The following DCLK1 variants were observed in gnomAD, a reference collection of about 807,000 sequenced individuals.
DCLK1 encodes serine/threonine-protein kinase DCLK1.
In DCLK1, 16 loss-of-function variants were observed where a neutral mutation model predicts 86.2. The ratio of observed to expected loss-of-function variants is 0.19; its 90% confidence interval spans 0.13 to 0.28. The LOEUF is 0.28. DCLK1 is among the 10% of genes least tolerant of loss of function. DCLK1 has a pLI of 1.00. For synonymous variants in DCLK1, 369 were observed against 370.5 expected (o/e 1.00, Z 0.05); for missense variants, 590 against 940.2 (o/e 0.63, Z 4.87).
chr13:36,067,027 AT>A (rs996073721), intron 3 of DCLK1, among the ~76,000 whole-genome samples: 4 of 143,640 alleles, frequency 2.8e-5, no homozygotes, highest in African/African-American at 1.0e-4. Context: ...ACAACTAGAA[AT>A]ACCATTTGAC....
chr13:35,858,012 GAAAAAC>G (rs1871169638), intron 5 of DCLK1, among the ~76,000 whole-genome samples: 1 of 152,254 alleles, frequency 6.6e-6, no homozygotes, highest in Middle Eastern at 3.4e-3. Context: ...GCAATGAGAA[GAAAAAC>G]AAAAACAAAA....
At chr13:35,869,333 A>G (rs1872096227) in intron 5 of DCLK1, among the ~76,000 whole-genome samples, 1 of 152,210 alleles carries the variant, frequency 6.6e-6, no homozygotes, top group Non-Finnish European at 1.5e-5. Context: ...CATCTTCAGA[A>G]AGAAATTCTC....
chr13:35,937,572 T>G (rs1566611142), intron 4 of DCLK1, among the ~76,000 whole-genome samples: 1 of 152,158 alleles, frequency 6.6e-6, no homozygotes, highest in Non-Finnish European at 1.5e-5. Context: ...GGACTAGATA[T>G]GATGATGGCA....
chr13:36,049,140 A>G (rs2153156814), intron 3 of DCLK1, among the ~76,000 whole-genome samples: 1 of 152,308 alleles, frequency 6.6e-6, no homozygotes, highest in African/African-American at 2.4e-5. Context: ...AAATGAAACT[A>G]AGTATTGCAG....
chr13:35,876,575 T>C (rs1166569695), intron 4 of DCLK1, among the ~76,000 whole-genome samples: 1 of 152,224 alleles, frequency 6.6e-6, no homozygotes, highest in Non-Finnish European at 1.5e-5. Flanking sequence ...GCTGCATGGC[T>C]TCAGAGAGAA....
chr13:35,927,063 C>G (rs1057439595), intron 4 of DCLK1, among the ~76,000 whole-genome samples: 14 of 152,216 alleles, frequency 9.2e-5, no homozygotes, highest in African/African-American at 3.1e-4. Context: ...CACGTAATCC[C>G]TCTGGGCTTT....
At chr13:35,796,331 A>T (rs575690714) in intron 15 of DCLK1, among the ~76,000 whole-genome samples, 1 of 152,300 alleles carries the variant, frequency 6.6e-6, no homozygotes, top group Admixed American at 6.5e-5. Context: ...AAGAAACTTG[A>T]GCATAATTGT....
intron 16 of DCLK1, among the ~76,000 whole-genome samples, chr13:35,777,941 T>G (rs1330028174): frequency 6.6e-6 from 1 of 152,230 alleles, no homozygotes; most frequent in Non-Finnish European, 1.5e-5. Context: ...TTGATCCTAA[T>G]TAACTGTTTT....
chr13:35,943,040 A>T (rs1414020115), intron 4 of DCLK1, among the ~76,000 whole-genome samples: 1 of 152,248 alleles, frequency 6.6e-6, no homozygotes, highest in African/African-American at 2.4e-5. Context: ...TTCCAGTCCG[A>T]ATCCTGGTAC....
intron 3 of DCLK1, among the ~76,000 whole-genome samples, chr13:36,003,528 C>T (rs1022885438): frequency 2.0e-5 from 3 of 152,056 alleles, no homozygotes; most frequent in African/African-American, 2.4e-5. Context: ...GAAATATTTG[C>T]TGAGACTAGG....
intron 3 of DCLK1, among the ~76,000 whole-genome samples, chr13:35,994,490 C>G (rs1363097432): frequency 6.6e-6 from 1 of 152,118 alleles, no homozygotes; most frequent in African/African-American, 2.4e-5. Flanking sequence ...CTCAAGAACA[C>G]AAACTCAAAG....
intron 3 of DCLK1, among the ~76,000 whole-genome samples, chr13:36,098,777 GA>G (rs1288183729): frequency 6.6e-6 from 1 of 152,042 alleles, no homozygotes; most frequent in East Asian, 1.9e-4. Context: ...AAATGAATGG[GA>G]ACTTTACACA....
chr13:36,126,595 G>A (rs1413917462), intron 1 of DCLK1, among the ~76,000 whole-genome samples: 1 of 152,122 alleles, frequency 6.6e-6, no homozygotes, highest in Non-Finnish European at 1.5e-5. Context: ...CTTCAGAACA[G>A]CTGGGTGGAA....
chr13:36,000,304 C>G (rs1461870111), intron 3 of DCLK1, among the ~76,000 whole-genome samples: 1 of 152,098 alleles, frequency 6.6e-6, no homozygotes, highest in Non-Finnish European at 1.5e-5. Context: ...GGACGGAAAC[C>G]AAGTCAGCTA....
intron 4 of DCLK1, among the ~76,000 whole-genome samples, chr13:35,937,581 C>G (rs1382195963): frequency 6.6e-6 from 1 of 152,118 alleles, no homozygotes; most frequent in Admixed American, 6.5e-5. Context: ...ATGATGATGG[C>G]AATTTTTATC....
intron 3 of DCLK1, among the ~76,000 whole-genome samples, chr13:35,957,777 T>C (rs1878079228): frequency 6.6e-6 from 1 of 152,156 alleles, no homozygotes; most frequent in Non-Finnish European, 1.5e-5. Flanking sequence ...TTGAATCTAC[T>C]TCTCTGCATA....
At chr13:35,998,153 T>C (rs1880553697) in intron 3 of DCLK1, among the ~76,000 whole-genome samples, 1 of 152,078 alleles carries the variant, frequency 6.6e-6, no homozygotes, top group African/African-American at 2.4e-5. Flanking sequence ...TGAATAAAAT[T>C]AAGAAGTATA....
intron 16 of DCLK1, among the ~76,000 whole-genome samples, chr13:35,784,984 G>A (rs1272924073): frequency 1.3e-5 from 2 of 152,090 alleles, no homozygotes; most frequent in African/African-American, 2.4e-5. Context: ...ATGACAGCGC[G>A]GCCATCACCG....
At chr13:35,943,499 G>A (rs1487851661) in intron 4 of DCLK1, among the ~76,000 whole-genome samples, 2 of 152,114 alleles carry the variant, frequency 1.3e-5, no homozygotes, top group East Asian at 1.9e-4. Context: ...AGAATCAAGA[G>A]CAGTTAGGAA....
Sources: allele counts gnomAD v4.1 joint callset (sites outside exome capture counted in the v4.1 genomes callset), GRCh38; gene constraint gnomAD v4.1.1; transcripts MANE v1.5; gene names NCBI Gene and HGNC (gene_info 2026-07-23, HGNC 2026-07-21).